Variants in ITGB3 observed in about 807,000 individuals in gnomAD.
ITGB3 encodes integrin beta-3.
Under a neutral mutation model 85.8 loss-of-function variants are expected in ITGB3, and 48 were observed. That is an observed-to-expected ratio of 0.56 (90% CI 0.44 to 0.71). ITGB3 has a LOEUF of 0.71. ITGB3 is among the 30% of genes least tolerant of loss of function. The pLI is 0.00. For synonymous variants in ITGB3, 363 were observed against 395.6 expected (o/e 0.92, Z 0.98); for missense variants, 861 against 1,019.1 (o/e 0.84, Z 2.11).
At chr17:47,305,075 T>A (rs1180329849) in intron 13 of ITGB3, among the ~76,000 whole-genome samples, 2 of 152,192 alleles carry the variant, frequency 1.3e-5, no homozygotes, top group African/African-American at 4.8e-5. Context: ...TCAGGACACA[T>A]GGTTAACAGA....
At chr17:47,271,460 T>A (rs1239731644) in intron 1 of ITGB3, among the ~76,000 whole-genome samples, 1 of 152,104 alleles carries the variant, frequency 6.6e-6, no homozygotes, top group Non-Finnish European at 1.5e-5. Flanking sequence ...GAAGGGAGAT[T>A]TATGGTTGAT....
At chr17:47,284,785 G>T (rs975039988) in intron 4 of ITGB3, 90 bp downstream of exon 4, 40 of 1,554,798 alleles carry the variant, frequency 2.6e-5, no homozygotes, top group Non-Finnish European at 3.5e-5. Flanking sequence ...GGATCACTTT[G>T]TTGGCTGTCT....
At chr17:47,274,617 C>G (rs2065056588) in intron 2 of ITGB3, 113 bp downstream of exon 2, 1 of 880,596 alleles carries the variant, frequency 1.1e-6, no homozygotes, top group Non-Finnish European at 1.9e-6. Flanking sequence ...CTTATCCCTT[C>G]TAAGCAAAAC....
In ITGB3 at chr17:47,299,216, G is replaced by A. The variant is rs1187917046; in HGVS notation, c.1691-92G>A. On this transcript the variant is annotated intron_variant, in intron 10 of 14. Coordinates refer to ENST00000559488, the MANE Select transcript of ITGB3 (RefSeq NM_000212.3). The surrounding 1 kb of genome is among the most constrained non-coding windows in gnomAD (Gnocchi z 5.1). ...CAACCTGGAGGATCATTATCTGTGTGGTTGGGAGAGCAGGATGGTCGTGTG... is the reference window on the plus strand; with the variant it reads ...CAACCTGGAGGATCATTATCTGTGTAGTTGGGAGAGCAGGATGGTCGTGTG... The A allele has an allele frequency of 8.3e-7, 1 of 1,201,132 alleles. No homozygotes were observed. The highest frequency in any genetic ancestry group is 1.2e-6 in the Non-Finnish European group (1 of 821,066). 74.4% of individuals were successfully genotyped at this position (1,201,132 alleles called of 1,614,324 possible). A position where few individuals can be genotyped will look rare whatever the true frequency, so the allele number is the denominator to read the frequency against.
rs374042974 is a variant in ITGB3, at chr17:47,262,637, G to A, written c.79+8697G>A. ...AGCAAAAAGGGAGTTCCTGAGAAGT[G>A]AAGTGACTTGTCCAAGATCATACAA... On this transcript the variant is annotated intron_variant, in intron 1 of 14. Transcript: ENST00000559488. Among the ~76,000 whole-genome samples, 164 of 152,308 alleles carry A rather than the reference G, an allele frequency of 1.1e-3. 1 individual carries two copies. The highest frequency in any genetic ancestry group is 3.7e-3 in the African/African-American group (154 of 41,568).
intron 3 of ITGB3, 44 bp downstream of exon 3, chr17:47,283,593 G>T: frequency 1.3e-6 from 2 of 1,583,920 alleles, no homozygotes; most frequent in Non-Finnish European, 1.7e-6. Context: ...AAGCAGGTGG[G>T]CATAGAGCAC....
chr17:47,310,376 GTCTGTGTGT>G lies in ITGB3; in HGVS notation c.*174_*182del, dbSNP rs1296756372. On this transcript the variant is annotated 3_prime_UTR_variant, in exon 15 of 15. Coordinates refer to ENST00000559488, the MANE Select transcript of ITGB3 (RefSeq NM_000212.3). ...TGGGTCTGTGTGTGTGTATGTGGGG[GTCTGTGTGT>G]TTATGTGTGTGTGTTGTGTGTGGGA... 2.9e-6 allele frequency: 2 copies of G among 701,000 alleles called. No homozygotes were observed. Among genetic ancestry groups the G allele is most frequent in the Admixed American group, 4.0e-5 (2 of 49,634 alleles). The allele number at this position is 701,000 out of a possible 1,614,324, so 43.4% of individuals were successfully genotyped here. A position where few individuals can be genotyped will look rare whatever the true frequency, so the allele number is the denominator to read the frequency against.
chr17:47,306,761 A>G (rs924829907), intron 13 of ITGB3, among the ~76,000 whole-genome samples: 2 of 150,164 alleles, frequency 1.3e-5, no homozygotes, highest in South Asian at 4.2e-4. Flanking sequence ...GTTCACTGCA[A>G]CCTCTACCTC....
chr17:47,295,992 T>G (rs1352761998), intron 10 of ITGB3, among the ~76,000 whole-genome samples: 2 of 152,238 alleles, frequency 1.3e-5, no homozygotes, highest in East Asian at 3.8e-4. Context: ...GCCATTCACG[T>G]AGGATCAGGC....
At chr17:47,285,868 C>T (rs1269085727) in intron 4 of ITGB3, among the ~76,000 whole-genome samples, 1 of 152,162 alleles carries the variant, frequency 6.6e-6, no homozygotes, top group East Asian at 1.9e-4. Context: ...ACTCGAGCCT[C>T]GCTCTGGTCT....
chr17:47,282,174 C>T (rs1410702876), intron 2 of ITGB3, among the ~76,000 whole-genome samples: 5 of 152,050 alleles, frequency 3.3e-5, no homozygotes, highest in African/African-American at 1.2e-4. Flanking sequence ...GTATCGAACT[C>T]CTGACCTCAG....
At chr17:47,255,818 T>G (rs1017523310) in intron 1 of ITGB3, among the ~76,000 whole-genome samples, 1 of 152,190 alleles carries the variant, frequency 6.6e-6, no homozygotes, top group Admixed American at 6.5e-5. Context: ...ACAGATCAGC[T>G]GATAGTGTTA....
At chr17:47,268,936 A>T (rs1282212691) in intron 1 of ITGB3, among the ~76,000 whole-genome samples, 5 of 152,180 alleles carry the variant, frequency 3.3e-5, no homozygotes, top group African/African-American at 1.2e-4. Context: ...GTGTTTCCAT[A>T]CATCCTCTGA....
chr17:47,290,903 C>T (rs1358621897), intron 8 of ITGB3, 51 bp from the exon 9 acceptor site: 2 of 1,610,224 alleles, frequency 1.2e-6, no homozygotes, highest in African/African-American at 1.3e-5. Context: ...TTGCCATTTC[C>T]CGTTTCCTTT....
chr17:47,277,873 A>T (rs551664497), intron 2 of ITGB3, among the ~76,000 whole-genome samples: 6 of 152,350 alleles, frequency 3.9e-5, no homozygotes, highest in South Asian at 4.1e-4. Flanking sequence ...CAGGAGCAAG[A>T]TATAGGCCAT....
intron 1 of ITGB3, among the ~76,000 whole-genome samples, chr17:47,272,156 T>C (rs1335352560): frequency 2.7e-5 from 4 of 149,962 alleles, no homozygotes; most frequent in African/African-American, 7.4e-5. Flanking sequence ...CCTGAGTTCA[T>C]GCCATTCTCC....
At chr17:47,300,340 C>CATGTGTGTGT in intron 11 of ITGB3, 138 bp from the exon 12 acceptor site, 1 of 507,890 alleles carries the variant, frequency 2.0e-6, no homozygotes, top group Non-Finnish European at 3.4e-6. Flanking sequence ...TACAGGCGCG[C>CATGTGTGTGT]GCGCGCGTGT....
At chr17:47,279,468 G>C (rs964850731) in intron 2 of ITGB3, 2 of 152,196 alleles carry the variant, frequency 1.3e-5, no homozygotes, top group Non-Finnish European at 2.9e-5. Context: ...TGACGAGCAG[G>C]CCTGTTATAT....
intron 1 of ITGB3, among the ~76,000 whole-genome samples, chr17:47,267,606 G>T (rs1260291000): frequency 1.3e-5 from 2 of 152,182 alleles, no homozygotes; most frequent in South Asian, 4.1e-4. Context: ...TCATTAAAAA[G>T]AGTGGATAAA....
Sources: allele counts gnomAD v4.1 joint callset (sites outside exome capture counted in the v4.1 genomes callset), GRCh38; gene constraint gnomAD v4.1.1; non-coding constraint Gnocchi (gnomAD v3.1); transcripts MANE v1.5; gene names NCBI Gene and HGNC (gene_info 2026-07-23, HGNC 2026-07-21).